COL5A1: variants seen among roughly 807,000 people sequenced by gnomAD.
COL5A1 encodes collagen alpha-1(V) chain.
In COL5A1, 16 loss-of-function variants were observed where a neutral mutation model predicts 263.7. That is an observed-to-expected ratio of 0.06 (90% confidence interval 0.04 to 0.09). The LOEUF (loss-of-function observed/expected upper bound fraction) is 0.09. COL5A1 is among the 10% of genes least tolerant of loss of function. The pLI is 1.00. For missense variants in COL5A1, 2,036 were observed against 2,540.5 expected, an observed-to-expected ratio of 0.80 and a Z score of 4.27; for synonymous variants, 1,012 against 1,004.5, an observed-to-expected ratio of 1.01 and a Z score of -0.14.
At chr9:134,714,270 G>GT (rs1834167238) in intron 4 of COL5A1, among the ~76,000 whole-genome samples, 1 of 151,794 alleles carries the variant, frequency 6.6e-6, no homozygotes, top group East Asian at 2.0e-4. Flanking sequence ...GGTGGTGGTG[G>GT]TGGCGGAGGA....
chr9:134,677,564 G>A lies in COL5A1; in HGVS notation c.110-13348G>A, dbSNP rs1344492956. On this transcript the variant is annotated intron_variant, in intron 1 of 65. Transcript: ENST00000371817. This position sits in a 1 kb window ranked among gnomAD's most constrained non-coding sequence, Gnocchi z 4.4. ...ATAGGAGGGTGAGGTTTATCAGCGG[G>A]ATCTTCGGGGTGATGACATTCCTTC... is the stretch of plus-strand genomic sequence containing the variant. Among the ~76,000 whole-genome samples, 1 of 152,156 alleles carries A rather than the reference G, an allele frequency of 6.6e-6. No homozygotes were observed. Among genetic ancestry groups the A allele is most frequent in the Non-Finnish European group, 1.5e-5 (1 of 68,038 alleles).
chr9:134,706,311 C>T (rs564679206), intron 4 of COL5A1, among the ~76,000 whole-genome samples: 198 of 152,310 alleles, frequency 1.3e-3, no homozygotes, highest in Non-Finnish European at 2.4e-3. Flanking sequence ...CCCAGGACCA[C>T]CGTGCAGGAA....
Position 134,680,508 on chromosome 9 carries a change from C to T in COL5A1, c.110-10404C>T, listed in dbSNP as rs1832821543. ...GCTGAGGACACCAACCTGGTCCCCG[C>T]TGTGGAGGGCGGAGCTGGCATCCTG... On this transcript the variant is annotated intron_variant, in intron 1 of 65. Coordinates refer to ENST00000371817, the MANE Select transcript of COL5A1 (RefSeq NM_000093.5). This position sits in a 1 kb window ranked among gnomAD's most constrained non-coding sequence, Gnocchi z 5.9. 6.6e-6 allele frequency among the ~76,000 whole-genome samples: 1 copy of T among 152,236 alleles called. No homozygotes were observed. Among genetic ancestry groups the T allele is most frequent in the Admixed American group, 6.5e-5 (1 of 15,290 alleles).
intron 64 of COL5A1, among the ~76,000 whole-genome samples, chr9:134,831,284 G>A (rs1839611766): frequency 6.6e-6 from 1 of 152,184 alleles, no homozygotes; most frequent in Admixed American, 6.5e-5. Context: ...CATTGTTGTT[G>A]GTTTGAAATC....
chr9:134,784,169 A>T (rs1402836698), intron 29 of COL5A1, among the ~76,000 whole-genome samples: 1 of 152,144 alleles, frequency 6.6e-6, no homozygotes, highest in Non-Finnish European at 1.5e-5. Context: ...GAACGAGAGG[A>T]ACACCTCTTA....
intron 27 of COL5A1, among the ~76,000 whole-genome samples, chr9:134,777,351 A>G (rs1310293586): frequency 6.6e-6 from 1 of 152,184 alleles, no homozygotes; most frequent in African/African-American, 2.4e-5. Flanking sequence ...CGGCCGAGTC[A>G]CGGATGCCCC....
chr9:134,695,512 A>C (rs1452848023), intron 2 of COL5A1, among the ~76,000 whole-genome samples: 3 of 152,072 alleles, frequency 2.0e-5, no homozygotes, highest in Non-Finnish European at 4.4e-5. Flanking sequence ...ACGTGAGGGG[A>C]AGATGGAGGC....
intron 19 of COL5A1, 80 bp downstream of exon 19, chr9:134,762,058 G>A (rs1210498063): frequency 1.3e-6 from 2 of 1,482,298 alleles, no homozygotes; most frequent in East Asian, 2.3e-5. Context: ...ACAGAAGAGA[G>A]GCCCAGGTGT....
At chr9:134,732,281 C>A (rs1261477876) in intron 9 of COL5A1, 154 bp downstream of exon 9, 3 of 750,904 alleles carry the variant, frequency 4.0e-6, no homozygotes, top group African/African-American at 1.7e-5. Flanking sequence ...GTCCACGCAC[C>A]ACTTGTCCCC....
intron 1 of COL5A1, among the ~76,000 whole-genome samples, chr9:134,683,837 G>T (rs528215089): frequency 2.0e-5 from 3 of 152,324 alleles, no homozygotes; most frequent in Admixed American, 2.0e-4. Context: ...CTGGCTGATT[G>T]TCTTTTGTTC....
In COL5A1 at chr9:134,652,868, A is replaced by G. The variant is rs1436616702; in HGVS notation, c.109+10572A>G. 1 of 368,342 alleles carries G rather than the reference A, an allele frequency of 2.7e-6. No homozygotes were observed. Among genetic ancestry groups the G allele is most frequent in the African/African-American group, 2.1e-5 (1 of 46,756 alleles). The allele number at this position is 368,342 out of a possible 1,614,324, so 22.8% of individuals were successfully genotyped here. On this transcript the variant is annotated intron_variant, in intron 1 of 65. Coordinates refer to ENST00000371817, the MANE Select transcript of COL5A1 (RefSeq NM_000093.5). The surrounding 1 kb of genome is among the most constrained non-coding windows in gnomAD (Gnocchi z 4.4). ...TTAAGGCACAGATTGTTTCTGACTC[A>G]GGAGGCCTTGGGTGGGCCCAGGAAA...
rs1347254632 is a variant in COL5A1 at position 134,765,370 on chromosome 9, C to T, written c.2035-311C>T. On this transcript the variant is annotated intron_variant, in intron 20 of 65. Transcript: ENST00000371817. The surrounding 1 kb of genome is among the most constrained non-coding windows in gnomAD (Gnocchi z 5.1). Reference sequence around the variant, plus strand: ...GATTCTCTGGGGGAGCGTCTGCTCACCTGCCCCAGCAAGTGTCAGAGGAGC... The same window carrying T: ...GATTCTCTGGGGGAGCGTCTGCTCATCTGCCCCAGCAAGTGTCAGAGGAGC... Among the ~76,000 whole-genome samples the T allele has an allele frequency of 3.9e-5, 6 of 152,106 alleles. No homozygotes were observed. The highest frequency in any genetic ancestry group is 6.5e-5 in the Admixed American group (1 of 15,274).
rs761096695 is a variant in COL5A1 at position 134,798,395 on chromosome 9, G to T, written c.2899-13G>T. ...ACACGAATGAACCTCCTTTCCTTTG[G>T]TTTTTTCTTCAGGGCCCTCCAGGCA... On this transcript the variant is annotated splice_polypyrimidine_tract_variant and intron_variant, in intron 36 of 65. Coordinates refer to ENST00000371817, the MANE Select transcript of COL5A1 (RefSeq NM_000093.5). 27 of 1,613,882 alleles carry T rather than the reference G, an allele frequency of 1.7e-5. No individual in the cohort carries two copies. Among genetic ancestry groups the T allele is most frequent in the Middle Eastern group, 3.3e-4 (2 of 6,084 alleles).
chr9:134,642,328 A>C lies in COL5A1; in HGVS notation c.109+32A>C, dbSNP rs1831320204. On this transcript the variant is annotated intron_variant, in intron 1 of 65. Transcript: ENST00000371817. The surrounding 1 kb of genome is among the most constrained non-coding windows in gnomAD (Gnocchi z 4.5). ...GCGCCCCGGGGCGCGGGGCTGCGGG[A>C]TGGGGCGCGCGCAGCCCGGGCGCCG... The C allele has an allele frequency of 1.6e-6, 1 of 606,402 alleles. No homozygotes were observed. Among genetic ancestry groups the C allele is most frequent in the Admixed American group, 5.1e-5 (1 of 19,606 alleles). 37.6% of individuals were successfully genotyped at this position (606,402 alleles called of 1,614,324 possible). A position where few individuals can be genotyped will look rare whatever the true frequency, so the allele number is the denominator to read the frequency against.
At chr9:134,706,004 G>A (rs1833824003) in intron 4 of COL5A1, among the ~76,000 whole-genome samples, 1 of 152,226 alleles carries the variant, frequency 6.6e-6, no homozygotes, top group Non-Finnish European at 1.5e-5. Context: ...CCCTCAGCAA[G>A]GTTTGGGTTC....
intron 51 of COL5A1, 135 bp downstream of exon 51, chr9:134,815,764 G>A (rs529030037): frequency 6.5e-6 from 8 of 1,235,202 alleles, no homozygotes; most frequent in African/African-American, 3.0e-5. Flanking sequence ...AAAGGCACTC[G>A]TGTTCCGGTG....
intron 2 of COL5A1, 110 bp from the exon 3 acceptor site, chr9:134,699,799 G>A (rs754188283): frequency 6.6e-5 from 69 of 1,050,922 alleles, no homozygotes; most frequent in Non-Finnish European, 9.4e-5. Flanking sequence ...GCCCCACGAC[G>A]GGCAGCACAG....
chr9:134,828,683 C>T (rs1005904792), intron 63 of COL5A1, among the ~76,000 whole-genome samples: 5 of 152,150 alleles, frequency 3.3e-5, no homozygotes, highest in South Asian at 4.2e-4. Context: ...GCGCCATACA[C>T]ACCACACATA....
chr9:134,701,565 C>T (rs1205736725), intron 4 of COL5A1, among the ~76,000 whole-genome samples: 1 of 152,206 alleles, frequency 6.6e-6, no homozygotes, highest in Non-Finnish European at 1.5e-5. Context: ...ATGGCAGTGG[C>T]CGCCCTTGTC....
Sources: gnomAD v4.1 joint callset for allele counts (sites outside exome capture counted in the v4.1 genomes callset) on GRCh38, gnomAD v4.1.1 for gene constraint, Gnocchi (gnomAD v3.1) non-coding constraint, MANE v1.5 for transcripts, NCBI Gene and HGNC (gene_info 2026-07-23, HGNC 2026-07-21) for gene names.